PPP1R13L: variants seen among roughly 807,000 people sequenced by gnomAD.
PPP1R13L encodes the protein protein phosphatase 1 regulatory subunit 13 like, also known as relA-associated inhibitor.
Under a neutral mutation model 80.9 loss-of-function variants are expected in PPP1R13L, and 50 were observed. That is an observed-to-expected ratio of 0.62 (90% CI 0.49 to 0.78). The LOEUF is 0.78. PPP1R13L is among the 30% of genes least tolerant of loss of function. The probability of loss-of-function intolerance (pLI) is 0.00; values close to 1 mark genes in which losing one functional copy is unlikely to be tolerated. For synonymous variants in PPP1R13L, 602 were observed against 534.3 expected (o/e 1.13, Z -1.75); for missense variants, 1,200 against 1,205.9 (o/e 1.00, Z 0.07).
chr19:45,398,780 G>A (rs949062570), intron 1 of PPP1R13L, among the ~76,000 whole-genome samples: 8 of 151,506 alleles, frequency 5.3e-5, no homozygotes, highest in Non-Finnish European at 1.2e-4. Context: ...ACAGGAGTGA[G>A]TCTCCGCGCC....
chr19:45,385,505 C>T, intron 11 of PPP1R13L, 57 bp downstream of exon 11: 1 of 1,515,062 alleles, frequency 6.6e-7, no homozygotes, highest in South Asian at 1.3e-5. Context: ...TAGTTGCTCC[C>T]CTCCCCGCTC....
At chr19:45,391,593 TTCTC>T (rs1369250127) in intron 8 of PPP1R13L, among the ~76,000 whole-genome samples, 5 of 152,140 alleles carry the variant, frequency 3.3e-5, no homozygotes, top group African/African-American at 1.2e-4. Flanking sequence ...AAAGGGCACT[TTCTC>T]TTCTTCTTTC....
In PPP1R13L at chr19:45,399,464, A is replaced by T. The variant is rs894557677; in HGVS notation, c.-21-1125T>A. Among the ~76,000 whole-genome samples the T allele has an allele frequency of 2.0e-5, 3 of 150,380 alleles. No homozygotes were observed. The Admixed American group carries it at 2.0e-4, about 10-fold the overall frequency. On this transcript the variant is annotated intron_variant, in intron 1 of 12. Transcript: ENST00000360957. ...ATGGTGAAACCCCGTCTCTACTAAA[A>T]ATACCAAAAATTAGCCAGGCGTGGT...
rs1479220168 is a variant in PPP1R13L at position 45,395,712 on chromosome 19, G to A, written c.1078C>T (p.Gln360Ter). Reference sequence around the variant, plus strand: ...CGCTGGCGCGGGGCCCCGCGGGGCTGGGGGCTGGAGGGGGGCATGGGGATG... The same window carrying A: ...CGCTGGCGCGGGGCCCCGCGGGGCTAGGGGCTGGAGGGGGGCATGGGGATG... ...SRIPMPPSSP[Q>*]PRGAPRQRPI... The change falls in exon 7 of 13, where the codon CAG (glutamine) becomes TAG (stop). Residue 360 changes from glutamine (Q) to a stop codon, truncating the protein, a stop_gained. Transcript: ENST00000360957. LOFTEE classifies it high-confidence loss of function. 6.8e-7 allele frequency: 1 copy of A among 1,472,518 alleles called. No homozygotes were observed. The highest frequency in any genetic ancestry group is 8.9e-7 in the Non-Finnish European group (1 of 1,119,214). The allele number at this position is 1,472,518 out of a possible 1,614,324, so 91.2% of individuals were successfully genotyped here.
intron 7 of PPP1R13L, among the ~76,000 whole-genome samples, chr19:45,393,760 C>A (rs1239386209): frequency 6.6e-6 from 1 of 151,896 alleles, no homozygotes; most frequent in African/African-American, 2.4e-5. Flanking sequence ...GTAGTCCCAG[C>A]CACTCGGGAG....
upstream of PPP1R13L, among the ~76,000 whole-genome samples, chr19:45,405,555 T>C (rs1973323719): frequency 6.6e-6 from 1 of 152,216 alleles, no homozygotes; most frequent in African/African-American, 2.4e-5. Context: ...GTGGGAATTG[T>C]AGTCCTGGAG....
Position 45,396,353 on chromosome 19 carries a change from T to C in PPP1R13L, c.796A>G (p.Thr266Ala). Residue 266 changes from threonine to alanine, a missense_variant, in exon 5 of 13, where the codon ACA becomes GCA. Physicochemically the swap from Thr to Ala is moderately conservative, Grantham distance 58. Around this residue, in one of 5 missense-constraint regions of PPP1R13L, gnomAD observed 764 missense variants for 714.5 expected, o/e 1.07. Transcript: ENST00000360957. This position sits in a 1 kb window ranked among gnomAD's most constrained non-coding sequence, Gnocchi z 5.3. ...DVAYEKKPSQ[T>A]ASYERLDVFA... ...CACCACTCACGTTCATAGCTCGCTG[T>C]CTGCGAAGGCTTCTTCTCGTACGCC... 2 of 1,614,154 alleles carry C rather than the reference T, an allele frequency of 1.2e-6. No individual in the cohort carries two copies. Among genetic ancestry groups the C allele is most frequent in the South Asian group, 1.1e-5 (1 of 91,084 alleles).
rs747026528 is a variant in PPP1R13L, at chr19:45,380,274, C to T, written c.2449-46G>A. 4 of 1,609,150 alleles carry T rather than the reference C, an allele frequency of 2.5e-6. No individual in the cohort carries two copies. In the Admixed American group the frequency reaches 6.7e-5, roughly 27 times the overall value. ...CAGACATCAGGAGCTCCCACCTCCT[C>T]ATCCCACATGCAAATCCGCTGCCTG... On this transcript the variant is annotated intron_variant, in intron 12 of 12. Coordinates refer to ENST00000360957, the MANE Select transcript of PPP1R13L (RefSeq NM_006663.4).
chr19:45,395,395 TC>T, intron 7 of PPP1R13L, 40 bp downstream of exon 7: 1 of 1,542,952 alleles, frequency 6.5e-7, no homozygotes, highest in South Asian at 1.2e-5. Flanking sequence ...CCATTTGTCC[TC>T]CCTTCACCCA....
intron 12 of PPP1R13L, 63 bp downstream of exon 12, chr19:45,382,464 G>T (rs930534425): frequency 2.6e-5 from 40 of 1,552,624 alleles, no homozygotes; most frequent in Non-Finnish European, 3.5e-5. Flanking sequence ...TTTCCTGTGG[G>T]ATCCCCCTTT....
At position 45,396,313 on chromosome 19, in the gene PPP1R13L, C is replaced by T. The variant is rs1374322057; in HGVS notation, c.811+25G>A. On this transcript the variant is annotated intron_variant, in intron 5 of 12. Transcript: ENST00000360957. The surrounding 1 kb of genome is among the most constrained non-coding windows in gnomAD (Gnocchi z 5.3). ...GGGGCTGCCTCTCCTCCGGGTCCTCCATTCCCCGGGCCTCCACCACTCACG... is the reference window on the plus strand; with the variant it reads ...GGGGCTGCCTCTCCTCCGGGTCCTCTATTCCCCGGGCCTCCACCACTCACG... The T allele has an allele frequency of 6.2e-7, 1 of 1,613,872 alleles. No individual in the cohort carries two copies. Among genetic ancestry groups the T allele is most frequent in the Non-Finnish European group, 8.5e-7 (1 of 1,179,946 alleles).
intron 8 of PPP1R13L, among the ~76,000 whole-genome samples, chr19:45,388,190 G>C (rs1356924319): frequency 6.6e-5 from 10 of 150,630 alleles, no homozygotes; most frequent in Admixed American, 6.6e-4. Flanking sequence ...AAAAAAGAAA[G>C]ACTAGAAGGA....
intron 1 of PPP1R13L, among the ~76,000 whole-genome samples, chr19:45,403,257 AAC>A (rs1973267519): frequency 6.6e-6 from 1 of 152,230 alleles, no homozygotes. Context: ...TCATTATAAT[AAC>A]ACAGGGTCTG....
chr19:45,390,088 G>A (rs1037317853), intron 8 of PPP1R13L, among the ~76,000 whole-genome samples: 3 of 148,710 alleles, frequency 2.0e-5, no homozygotes, highest in African/African-American at 7.6e-5. Flanking sequence ...ACCACGCCCG[G>A]CCTATTTATT....
rs1212828464 is a variant in PPP1R13L, at chr19:45,382,747, G to GA, written c.2249-22dup. 1.9e-6 allele frequency: 3 copies of GA among 1,613,142 alleles called. No homozygotes were observed. In the South Asian group the frequency reaches 3.3e-5, roughly 18 times the overall value. The stretch of plus-strand genomic sequence containing the variant: ...GACGTCTGAAACATGCCACGGAGGG[G>GA]AAGGTGAGAGCCTGGCCCAGGGGGT... On this transcript the variant is annotated intron_variant, in intron 11 of 12. Transcript: ENST00000360957.
Position 45,392,338 on chromosome 19 carries a change from G to A in PPP1R13L, c.1357C>T (p.Pro453Ser). The change falls in exon 8 of 13, where the codon CCC becomes TCC. Residue 453 changes from proline to serine, a missense_variant and splice_region_variant. Pro to Ser is a moderately conservative substitution (Grantham distance 74). This residue lies in a region of PPP1R13L where 764 missense variants were observed against 714.5 expected (regional missense o/e 1.07). Transcript: ENST00000360957. ...QQTWPPVNEG[P>S]PKPPTELEPE... Reference sequence around the variant, plus strand: ...TCCAGCTCGGTGGGGGGTTTGGGGGGTCCTAGCCGGAACAAGAGCCCATCA... The same window carrying A: ...TCCAGCTCGGTGGGGGGTTTGGGGGATCCTAGCCGGAACAAGAGCCCATCA... 2 of 1,613,116 alleles carry A rather than the reference G, an allele frequency of 1.2e-6. No individual in the cohort carries two copies. Among genetic ancestry groups the A allele is most frequent in the Non-Finnish European group, 1.7e-6 (2 of 1,179,982 alleles).
intron 11 of PPP1R13L, among the ~76,000 whole-genome samples, chr19:45,383,706 C>A (rs1051250647): frequency 2.0e-5 from 3 of 152,202 alleles, no homozygotes; most frequent in South Asian, 2.1e-4. Flanking sequence ...AAGATTCGCA[C>A]CTTCCTTGAA....
At chr19:45,387,398 A>T (rs1440953576) in intron 8 of PPP1R13L, among the ~76,000 whole-genome samples, 1 of 152,212 alleles carries the variant, frequency 6.6e-6, no homozygotes, top group African/African-American at 2.4e-5. Context: ...CAGCCACTGA[A>T]TTCAAAATTC....
At position 45,392,057 on chromosome 19, in the gene PPP1R13L, G is replaced by A. The variant is rs753923097; in HGVS notation, c.1638C>T (p.Ile546=). 30 of 1,542,022 alleles carry A rather than the reference G, an allele frequency of 1.9e-5. No homozygotes were observed. The highest frequency in any genetic ancestry group is 2.6e-5 in the Non-Finnish European group (30 of 1,147,068). ...PPTHKKQYQQ[I]ISRLFHRHGG... ...CATGACGATGGAAGAGGCGGCTGATGATCTGCTGGTACTGTTTCTTGTGGG... is the reference window on the plus strand; with the variant it reads ...CATGACGATGGAAGAGGCGGCTGATAATCTGCTGGTACTGTTTCTTGTGGG... The change falls in exon 8 of 13, where the codon ATC becomes ATT. Residue 546 remains isoleucine (I), a synonymous_variant. Transcript: ENST00000360957.
Sources: allele counts gnomAD v4.1 joint callset (sites outside exome capture counted in the v4.1 genomes callset), GRCh38; gene constraint gnomAD v4.1.1; regional missense constraint gnomAD v4.1.1; non-coding constraint Gnocchi (gnomAD v3.1); transcripts MANE v1.5; gene names NCBI Gene and HGNC (gene_info 2026-07-23, HGNC 2026-07-21).